TKTL1: variants seen among roughly 807,000 people sequenced by gnomAD.
The protein encoded by TKTL1 is transketolase like 1.
In TKTL1, 1 loss-of-function variant was observed where a neutral mutation model predicts 39.3. The observed-to-expected ratio is 0.03, with a 90% CI of 0.01 to 0.12. The LOEUF is 0.12. Ranked by LOEUF, TKTL1 falls within the 10% of genes least tolerant of loss-of-function variation. The pLI is 1.00. For synonymous variants in TKTL1, 262 were observed against 193.8 expected (o/e 1.35, Z -2.92); for missense variants, 575 against 509.6 (o/e 1.13, Z -1.24).
intron 5 of TKTL1, 113 bp downstream of exon 5, chrX:154,311,351 A>G (rs2067356286): frequency 2.9e-5 from 30 of 1,025,030 alleles, no homozygotes; most frequent in Non-Finnish European, 3.7e-5. Context: ...AGTGAATAGC[A>G]GTTCTGCCTG....
chrX:154,326,058 C>G (rs766420), intron 10 of TKTL1, among the ~76,000 whole-genome samples: 34,967 of 111,255 alleles, frequency 0.31, 5,031 homozygotes, highest in African/African-American at 0.57. Flanking sequence ...TTTTACAGAT[C>G]TAAGGCCAGG....
At chrX:154,303,175 ATTTTTATT>A (rs1284995909) in intron 1 of TKTL1, among the ~76,000 whole-genome samples, 27 of 92,695 alleles carry the variant, frequency 2.9e-4, no homozygotes, top group African/African-American at 1.0e-3. Flanking sequence ...ATTTTTTAAA[ATTTTTATT>A]TATTTATTTA....
Position 154,305,060 on chromosome X carries a change from C to T in TKTL1, c.135-244C>T, listed in dbSNP as rs782375699. 41 of 1,120,338 alleles carry T rather than the reference C, an allele frequency of 3.7e-5. No homozygotes were observed. The African/African-American group carries it at 7.1e-4, about 19-fold the overall frequency. The allele number at this position is 1,120,338 out of a possible 1,213,427, so 92.3% of individuals were successfully genotyped here. On this transcript the variant is annotated intron_variant, in intron 1 of 12. Transcript: ENST00000369915. Reference sequence around the variant, plus strand: ...ACTCATGTCAGAGGCACAAAGGAAACTTGCCCCGAGTCCACGGTGCTCTGC... The same window carrying T: ...ACTCATGTCAGAGGCACAAAGGAAATTTGCCCCGAGTCCACGGTGCTCTGC...
At chrX:154,328,668 G>T (rs1157019756) in intron 12 of TKTL1, among the ~76,000 whole-genome samples, 7 of 108,677 alleles carry the variant, frequency 6.4e-5, no homozygotes, top group African/African-American at 2.3e-4. Flanking sequence ...GAATGGGCTG[G>T]GCAGTGTTTG....
intron 7 of TKTL1, among the ~76,000 whole-genome samples, chrX:154,316,821 G>GT (rs1268234487): frequency 9.4e-6 from 1 of 106,866 alleles, no homozygotes; most frequent in Non-Finnish European, 1.9e-5. Context: ...CGAGGCTGGA[G>GT]TGCAGTGGCA....
chrX:154,317,997 C>T (rs1041371174), intron 7 of TKTL1, among the ~76,000 whole-genome samples: 6 of 112,028 alleles, frequency 5.4e-5, no homozygotes, highest in African/African-American at 9.7e-5. Context: ...CACATGTGGC[C>T]GCTCCACACC....
chrX:154,325,860 C>T (rs1239117017), intron 10 of TKTL1, among the ~76,000 whole-genome samples: 3 of 111,459 alleles, frequency 2.7e-5, no homozygotes, highest in African/African-American at 6.5e-5. Flanking sequence ...TGGCATCCAC[C>T]TGTGGTCTCA....
Position 154,305,375 on chromosome X carries a change from A to G in TKTL1, c.206A>G (p.Gln69Arg). 2 of 1,210,654 alleles carry G rather than the reference A, an allele frequency of 1.7e-6. No individual in the cohort carries two copies. The highest frequency in any genetic ancestry group is 3.5e-5 in the South Asian group (2 of 56,908). ...TTCTTCTACATCATGAGGTACAAGCAGTCAGATCCAGAGAATCCGGACAAC... is the reference window on the plus strand; with the variant it reads ...TTCTTCTACATCATGAGGTACAAGCGGTCAGATCCAGAGAATCCGGACAAC... ...VLFFYIMRYK[Q>R]SDPENPDNDR... The change falls in exon 2 of 13, where the codon CAG becomes CGG. Residue 69 changes from glutamine to arginine, a missense_variant. Gln to Arg is a conservative substitution (Grantham distance 43, BLOSUM62 1). Transcript: ENST00000369915.
chrX:154,317,234 T>A (rs1423610073), intron 7 of TKTL1, among the ~76,000 whole-genome samples: 1 of 112,205 alleles, frequency 8.9e-6, no homozygotes, highest in Admixed American at 9.5e-5. Flanking sequence ...AAAAAAGTTG[T>A]AAAGAAAAGG....
rs1431215331 is a variant in TKTL1 at position 154,310,948 on chromosome X, G to A, written c.463G>A (p.Val155Met). ...SLDNLVAIFD[V>M]NRLGHSGALP... ...GGACAATCTTGTGGCAATCTTTGATGTGAACCGCCTGGGACACAGTGGTGC... is the reference window on the plus strand; with the variant it reads ...GGACAATCTTGTGGCAATCTTTGATATGAACCGCCTGGGACACAGTGGTGC... Residue 155 changes from valine to methionine, a missense_variant, in exon 4 of 13, where the codon GTG becomes ATG. By Grantham distance (21) the Val-to-Met change is conservative. Coordinates refer to ENST00000369915, the MANE Select transcript of TKTL1 (RefSeq NM_012253.4). The A allele has an allele frequency of 2.5e-6, 3 of 1,212,114 alleles. No homozygotes were observed. Among genetic ancestry groups the A allele is most frequent in the Admixed American group, 4.3e-5 (2 of 46,065 alleles).
chrX:154,298,305 C>T (rs1189214606), intron 1 of TKTL1, among the ~76,000 whole-genome samples: 2 of 110,991 alleles, frequency 1.8e-5, no homozygotes, highest in East Asian at 5.6e-4. Flanking sequence ...CTCGAACTCT[C>T]GTGGGCTCAA....
intron 1 of TKTL1, among the ~76,000 whole-genome samples, chrX:154,297,132 AAAGT>A (rs1162453919): frequency 4.5e-5 from 5 of 112,249 alleles, no homozygotes; most frequent in Non-Finnish European, 9.4e-5. Context: ...CTAAAAAAAT[AAAGT>A]AAAAGAAACC....
rs782491545 is a variant in TKTL1, at chrX:154,295,958, C to T, written c.99C>T (p.Ile33=). The T allele has an allele frequency of 8.3e-6, 10 of 1,210,398 alleles. No individual in the cohort carries two copies. Among genetic ancestry groups the T allele is most frequent in the Non-Finnish European group, 8.9e-6 (8 of 895,248 alleles). ...VLQDMASRLR[I]HSIRATCSTS... ...AAGATATGGCCAGCCGCTTGCGAAT[C>T]CATTCCATCAGGGCCACATGCTCCA... is the stretch of plus-strand genomic sequence containing the variant. The change falls in exon 1 of 13, where the codon ATC becomes ATT. Residue 33 remains isoleucine, a synonymous_variant. Coordinates refer to ENST00000369915, the MANE Select transcript of TKTL1 (RefSeq NM_012253.4).
chrX:154,328,430 C>T (rs782343000), intron 12 of TKTL1, among the ~76,000 whole-genome samples: 2 of 104,750 alleles, frequency 1.9e-5, no homozygotes, highest in East Asian at 6.0e-4. Flanking sequence ...CCTGTAGTCC[C>T]AGCTACTTGG....
At chrX:154,318,969 T>C (rs1557170045) in intron 7 of TKTL1, among the ~76,000 whole-genome samples, 1 of 111,561 alleles carries the variant, frequency 9.0e-6, no homozygotes, top group Non-Finnish European at 1.9e-5. Flanking sequence ...AAAATTATAA[T>C]ATAGGCTTCT....
intron 2 of TKTL1, among the ~76,000 whole-genome samples, chrX:154,307,240 T>C (rs1162220814): frequency 9.0e-6 from 1 of 111,244 alleles, no homozygotes; most frequent in Non-Finnish European, 1.9e-5. Flanking sequence ...AAATCTAGAC[T>C]GTCATATAAC....
intron 8 of TKTL1, among the ~76,000 whole-genome samples, chrX:154,321,698 G>T (rs781886345): frequency 1.9e-5 from 2 of 107,411 alleles, no homozygotes; most frequent in South Asian, 8.2e-4. Flanking sequence ...GCCTGTGGCA[G>T]GCAGATGGGC....
At chrX:154,296,343 G>A (rs781876716) in intron 1 of TKTL1, among the ~76,000 whole-genome samples, 8 of 111,352 alleles carry the variant, frequency 7.2e-5, no homozygotes. Context: ...GGATCAGATT[G>A]GGCTAGCTGT....
chrX:154,323,626 T>A, intron 9 of TKTL1, among the ~76,000 whole-genome samples: 1 of 111,738 alleles, frequency 8.9e-6, no homozygotes, highest in Non-Finnish European at 1.9e-5. Context: ...AGAAGGTGTT[T>A]AACAAAGGGT....
Sources: gnomAD v4.1 joint callset for allele counts (sites outside exome capture counted in the v4.1 genomes callset) on GRCh38, gnomAD v4.1.1 for gene constraint, MANE v1.5 for transcripts, NCBI Gene and HGNC (gene_info 2026-07-23, HGNC 2026-07-21) for gene names.